ITGBL1: variants seen among roughly 807,000 people sequenced by gnomAD.
ITGBL1 encodes the protein integrin beta-like protein 1.
Under a neutral mutation model 68.5 loss-of-function variants are expected in ITGBL1, and 51 were observed. The ratio of observed to expected loss-of-function variants is 0.74; its 90% CI spans 0.59 to 0.94. The LOEUF is 0.94. Among genes scored for constraint, ITGBL1 ranks in the 40% least tolerant of loss-of-function variants. The pLI is 0.00. For synonymous variants in ITGBL1, 209 were observed against 227.3 expected, an observed-to-expected ratio of 0.92 and a Z score of 0.72; for missense variants, 649 against 647.4, an observed-to-expected ratio of 1.00 and a Z score of -0.03.
At chr13:101,494,234 G>A (rs9557677) in intron 2 of ITGBL1, among the ~76,000 whole-genome samples, 36,207 of 151,990 alleles carry the variant, frequency 0.24, 5,043 homozygotes, top group East Asian at 0.48. Context: ...GCAATTATGC[G>A]GCTTACTTAA....
chr13:101,640,291 C>T (rs2032318218), intron 7 of ITGBL1, among the ~76,000 whole-genome samples: 1 of 152,148 alleles, frequency 6.6e-6, no homozygotes, highest in Non-Finnish European at 1.5e-5. Flanking sequence ...CATGATAACA[C>T]TTTGGCTTAC....
At chr13:101,686,902 A>C (rs960223222) in intron 7 of ITGBL1, among the ~76,000 whole-genome samples, 1 of 152,182 alleles carries the variant, frequency 6.6e-6, no homozygotes, top group South Asian at 2.1e-4. Context: ...CTTTTTAATG[A>C]ATACTTTAAA....
At chr13:101,497,108 A>C (rs2048868076) in intron 2 of ITGBL1, among the ~76,000 whole-genome samples, 1 of 152,154 alleles carries the variant, frequency 6.6e-6, no homozygotes, top group Non-Finnish European at 1.5e-5. Flanking sequence ...AGAGAGGGAG[A>C]GTTGTCCTTA....
intron 7 of ITGBL1, among the ~76,000 whole-genome samples, chr13:101,636,905 A>G (rs1319684366): frequency 4.6e-5 from 7 of 152,138 alleles, no homozygotes; most frequent in Non-Finnish European, 1.0e-4. Context: ...TCATCACATC[A>G]AATTTTTTGT....
chr13:101,623,232 T>A (rs1041282911), intron 7 of ITGBL1, among the ~76,000 whole-genome samples: 2 of 152,088 alleles, frequency 1.3e-5, no homozygotes, highest in South Asian at 2.1e-4. Context: ...AGGTTTATAA[T>A]TTAGCTTGAT....
chr13:101,513,572 T>A (rs2058865951), intron 2 of ITGBL1, among the ~76,000 whole-genome samples: 1 of 152,154 alleles, frequency 6.6e-6, no homozygotes, highest in Admixed American at 6.6e-5. Context: ...TGTTATAATT[T>A]TAAAAGAGAA....
chr13:101,543,887 T>C (rs2049762969), intron 2 of ITGBL1, among the ~76,000 whole-genome samples: 1 of 152,226 alleles, frequency 6.6e-6, no homozygotes, highest in Non-Finnish European at 1.5e-5. Context: ...TTCTCGTGCC[T>C]TGGTTTTCAG....
chr13:101,454,143 CCTCTT>C (rs2048206598), intron 2 of ITGBL1, 43 bp downstream of exon 2: 2 of 1,432,306 alleles, frequency 1.4e-6, no homozygotes, highest in South Asian at 1.4e-5. Flanking sequence ...GGTCGAAACT[CCTCTT>C]CTGGGATTTC....
chr13:101,590,571 T>C (rs2050634808), intron 6 of ITGBL1, among the ~76,000 whole-genome samples: 1 of 152,160 alleles, frequency 6.6e-6, no homozygotes, highest in African/African-American at 2.4e-5. Context: ...GGAGAAACTT[T>C]TTCTCCCTCT....
intron 3 of ITGBL1, among the ~76,000 whole-genome samples, chr13:101,568,224 T>A (rs2050213432): frequency 6.6e-6 from 1 of 152,176 alleles, no homozygotes; most frequent in African/African-American, 2.4e-5. Context: ...CTTCGCAAAA[T>A]AGAACCAAAT....
intron 2 of ITGBL1, among the ~76,000 whole-genome samples, chr13:101,483,994 C>T: frequency 6.6e-6 from 1 of 152,006 alleles, no homozygotes; most frequent in East Asian, 1.9e-4. Flanking sequence ...AGTTGAGGCT[C>T]TGTGGAACTT....
chr13:101,514,592 T>C (rs182078794), intron 2 of ITGBL1, among the ~76,000 whole-genome samples: 134 of 152,224 alleles, frequency 8.8e-4, no homozygotes, highest in African/African-American at 3.1e-3. Context: ...AACAAATTAA[T>C]TGTATCTATT....
intron 2 of ITGBL1, among the ~76,000 whole-genome samples, chr13:101,536,174 G>T (rs1405736407): frequency 2.6e-5 from 4 of 151,764 alleles, no homozygotes; most frequent in Non-Finnish European, 5.9e-5. Flanking sequence ...CTTTTAAAAG[G>T]ACTCTGCGTG....
At chr13:101,603,574 T>G (rs2030520535) in intron 7 of ITGBL1, among the ~76,000 whole-genome samples, 1 of 151,904 alleles carries the variant, frequency 6.6e-6, no homozygotes, top group Non-Finnish European at 1.5e-5. Flanking sequence ...CCAACACTTG[T>G]AATCTACAGC....
At chr13:101,561,026 A>C (rs2050091376) in intron 2 of ITGBL1, among the ~76,000 whole-genome samples, 1 of 152,200 alleles carries the variant, frequency 6.6e-6, no homozygotes, top group African/African-American at 2.4e-5. Flanking sequence ...CTGAAGTCAC[A>C]GGAAAAGCAA....
At chr13:101,672,351 G>A (rs542854268) in intron 7 of ITGBL1, among the ~76,000 whole-genome samples, 1 of 152,284 alleles carries the variant, frequency 6.6e-6, no homozygotes, top group Non-Finnish European at 1.5e-5. Context: ...TCCTCAGTAA[G>A]GTTTTCCTTT....
At chr13:101,553,085 A>G (rs1207418380) in intron 2 of ITGBL1, among the ~76,000 whole-genome samples, 1 of 152,202 alleles carries the variant, frequency 6.6e-6, no homozygotes, top group Non-Finnish European at 1.5e-5. Context: ...ACTTTGGGGA[A>G]TGGAGGAATC....
chr13:101,482,712 A>G (rs1440437578), intron 2 of ITGBL1, among the ~76,000 whole-genome samples: 1 of 152,136 alleles, frequency 6.6e-6, no homozygotes, highest in Non-Finnish European at 1.5e-5. Context: ...TCATAGGTGT[A>G]TCAGGTAGGA....
chr13:101,655,756 G>A (rs1196248389), intron 7 of ITGBL1, among the ~76,000 whole-genome samples: 1 of 152,204 alleles, frequency 6.6e-6, no homozygotes, highest in East Asian at 1.9e-4. Flanking sequence ...TCGTATGGAG[G>A]CAGATCTTAT....
Sources: gnomAD v4.1 joint callset for allele counts (sites outside exome capture counted in the v4.1 genomes callset) on GRCh38, gnomAD v4.1.1 for gene constraint, MANE v1.5 for transcripts, NCBI Gene and HGNC (gene_info 2026-07-23, HGNC 2026-07-21) for gene names.